Variants in SPAG16 observed in about 807,000 individuals in gnomAD.
SPAG16 encodes the protein sperm-associated antigen 16 protein.
A neutral mutation model predicts 80.4 loss-of-function variants in SPAG16; 86 were observed. The ratio of observed to expected loss-of-function variants is 1.07; its 90% confidence interval spans 0.90 to 1.28. The LOEUF is 1.28. SPAG16 is among the 50% of genes most tolerant of loss of function. SPAG16 has a pLI of 0.00. For missense variants in SPAG16, 870 were observed against 765.3 expected, an observed-to-expected ratio of 1.14 and a Z score of -1.61; for synonymous variants, 294 against 265.9, an observed-to-expected ratio of 1.11 and a Z score of -1.03.
chr2:214,000,707 A>G (rs1395868078), intron 12 of SPAG16, among the ~76,000 whole-genome samples: 1 of 152,192 alleles, frequency 6.6e-6, no homozygotes, highest in African/African-American at 2.4e-5. Flanking sequence ...CTAAAAAGGA[A>G]ATAAACAGGA....
intron 15 of SPAG16, among the ~76,000 whole-genome samples, chr2:214,325,128 A>G (rs1371844958): frequency 2.6e-5 from 4 of 152,246 alleles, no homozygotes; most frequent in Non-Finnish European, 5.9e-5. Flanking sequence ...ACATAAGCCC[A>G]CAATCCAGCT....
chr2:214,386,307 C>T (rs191776687), intron 15 of SPAG16, among the ~76,000 whole-genome samples: 19 of 152,060 alleles, frequency 1.2e-4, no homozygotes, highest in Non-Finnish European at 2.2e-4. Flanking sequence ...GGCTTTAGCT[C>T]GGGAGGCAGA....
At chr2:213,865,792 G>T (rs550980312) in intron 11 of SPAG16, among the ~76,000 whole-genome samples, 1 of 147,426 alleles carries the variant, frequency 6.8e-6, no homozygotes, top group Admixed American at 6.8e-5. Context: ...TGTCCTCAAG[G>T]GGAAAAATAA....
intron 3 of SPAG16, among the ~76,000 whole-genome samples, chr2:213,305,386 TA>T (rs1189754582): frequency 2.6e-5 from 4 of 152,170 alleles, no homozygotes; most frequent in Non-Finnish European, 4.4e-5. Flanking sequence ...GGACTTCCAG[TA>T]CTATGTTGAA....
At chr2:213,635,575 C>T (rs1359038231) in intron 10 of SPAG16, among the ~76,000 whole-genome samples, 2 of 152,058 alleles carry the variant, frequency 1.3e-5, no homozygotes, top group African/African-American at 4.8e-5. Flanking sequence ...ATGCCAACAT[C>T]TATTATATTT....
intron 10 of SPAG16, among the ~76,000 whole-genome samples, chr2:213,594,850 A>G (rs1240665615): frequency 2.0e-5 from 3 of 152,062 alleles, no homozygotes; most frequent in East Asian, 3.8e-4. Flanking sequence ...GTATTCTCCA[A>G]TGTTTCAAAG....
chr2:213,347,299 G>T (rs1255693025), intron 6 of SPAG16, among the ~76,000 whole-genome samples: 2 of 151,998 alleles, frequency 1.3e-5, no homozygotes, highest in Non-Finnish European at 2.9e-5. Flanking sequence ...AGTCTTGCTA[G>T]TGGTCTCTCA....
intron 9 of SPAG16, among the ~76,000 whole-genome samples, chr2:213,407,602 AGAGAG>A (rs2068689666): frequency 2.7e-5 from 1 of 36,626 alleles, no homozygotes; most frequent in Non-Finnish European, 7.5e-5. Flanking sequence ...GACAGGAGAG[AGAGAG>A]AGAGAGAGAG....
At chr2:213,388,237 C>A (rs916284603) in intron 9 of SPAG16, among the ~76,000 whole-genome samples, 4 of 152,220 alleles carry the variant, frequency 2.6e-5, no homozygotes, top group African/African-American at 9.6e-5. Context: ...GCTCTTATCT[C>A]TAACTACTGC....
At chr2:213,932,949 AACACACACACAC>A (rs3076792) in intron 12 of SPAG16, among the ~76,000 whole-genome samples, 41 of 144,040 alleles carry the variant, frequency 2.8e-4, no homozygotes, top group South Asian at 1.1e-3. Flanking sequence ...GTTGTTTGAA[AACACACACACAC>A]ACACACACAC....
At chr2:214,022,772 G>A (rs2047941945) in intron 13 of SPAG16, among the ~76,000 whole-genome samples, 1 of 151,928 alleles carries the variant, frequency 6.6e-6, no homozygotes. Context: ...CTTGTGTCAT[G>A]TTCTTCAGAT....
At chr2:213,662,442 G>A (rs1446916265) in intron 10 of SPAG16, among the ~76,000 whole-genome samples, 4 of 152,134 alleles carry the variant, frequency 2.6e-5, no homozygotes, top group African/African-American at 9.7e-5. Context: ...GGTTGCCTTA[G>A]GCCACGCCAT....
chr2:213,940,410 C>T (rs2079149791), intron 12 of SPAG16, among the ~76,000 whole-genome samples: 1 of 152,146 alleles, frequency 6.6e-6, no homozygotes, highest in South Asian at 2.1e-4. Context: ...CCTCAGCCTC[C>T]TGAGTAGCTG....
intron 9 of SPAG16, among the ~76,000 whole-genome samples, chr2:213,421,320 A>C (rs936010107): frequency 3.2e-4 from 48 of 152,188 alleles, no homozygotes; most frequent in Non-Finnish European, 6.5e-4. Context: ...GTGCCGACTC[A>C]CCAGTCCCCC....
rs1471303455 is a variant in SPAG16 at position 213,284,661 on chromosome 2, A to C, written c.136+42A>C. ...GGCGCGGCCCGCTGCGCTGGCGGGTAATGGGTGTTGGGACGAAGGCGAGGG... is the reference window on the plus strand; with the variant it reads ...GGCGCGGCCCGCTGCGCTGGCGGGTCATGGGTGTTGGGACGAAGGCGAGGG... On this transcript the variant is annotated intron_variant, in intron 1 of 15. Coordinates refer to ENST00000331683, the MANE Select transcript of SPAG16 (RefSeq NM_024532.5). The C allele has an allele frequency of 1.9e-6, 3 of 1,590,764 alleles. No homozygotes were observed. The South Asian group carries it at 3.4e-5, about 18-fold the overall frequency.
At chr2:213,470,378 C>A (rs1335092494) in intron 9 of SPAG16, among the ~76,000 whole-genome samples, 1 of 152,170 alleles carries the variant, frequency 6.6e-6, no homozygotes, top group Non-Finnish European at 1.5e-5. Flanking sequence ...ATAAGGCATT[C>A]TGTGAGTCCA....
chr2:213,614,005 T>G (rs2061517797), intron 10 of SPAG16, among the ~76,000 whole-genome samples: 1 of 152,208 alleles, frequency 6.6e-6, no homozygotes, highest in Admixed American at 6.5e-5. Flanking sequence ...TCCTCTAGGT[T>G]TGGGAACAGG....
intron 10 of SPAG16, among the ~76,000 whole-genome samples, chr2:213,850,306 A>C (rs2074837559): frequency 6.6e-6 from 1 of 152,238 alleles, no homozygotes; most frequent in Non-Finnish European, 1.5e-5. Context: ...CAGCACTACT[A>C]TAACAAAGGC....
intron 11 of SPAG16, among the ~76,000 whole-genome samples, chr2:213,886,289 T>G (rs2076550477): frequency 6.6e-6 from 1 of 152,102 alleles, no homozygotes; most frequent in Non-Finnish European, 1.5e-5. Context: ...AGAAAAGACG[T>G]TCTGGTTTCT....
Sources: gnomAD v4.1 joint callset for allele counts (sites outside exome capture counted in the v4.1 genomes callset) on GRCh38, gnomAD v4.1.1 for gene constraint, MANE v1.5 for transcripts, NCBI Gene and HGNC (gene_info 2026-07-23, HGNC 2026-07-21) for gene names.